ANKRD27: variants seen among roughly 807,000 people sequenced by gnomAD.
ANKRD27 encodes the protein ankyrin repeat domain 27.
Under a neutral mutation model 129.7 loss-of-function variants are expected in ANKRD27, and 112 were observed. The ratio of observed to expected loss-of-function variants is 0.86; its 90% CI spans 0.74 to 1.01. ANKRD27 has a LOEUF of 1.01. Ranked by LOEUF, ANKRD27 falls within the 50% of genes least tolerant of loss-of-function variation. ANKRD27 has a pLI of 0.00. For missense variants in ANKRD27, 1,258 were observed against 1,300.5 expected (o/e 0.97, Z 0.50); for synonymous variants, 516 against 511.2 (o/e 1.01, Z -0.13).
intron 1 of ANKRD27, among the ~76,000 whole-genome samples, chr19:32,668,237 C>A (rs1049158512): frequency 6.6e-6 from 1 of 152,104 alleles, no homozygotes; most frequent in African/African-American, 2.4e-5. Flanking sequence ...ACTGCACCCT[C>A]AAACTCCTGG....
chr19:32,605,253 T>C (rs972000456), intron 24 of ANKRD27, among the ~76,000 whole-genome samples: 3 of 152,044 alleles, frequency 2.0e-5, no homozygotes, highest in Admixed American at 2.0e-4. Context: ...GGTATGTATC[T>C]GTAGTCCCAG....
intron 12 of ANKRD27, chr19:32,636,464 T>C (rs1343100816): frequency 6.9e-6 from 1 of 145,458 alleles, no homozygotes; most frequent in Non-Finnish European, 1.5e-5. Flanking sequence ...GTGCTTCACA[T>C]GCAAGAAATG....
intron 1 of ANKRD27, among the ~76,000 whole-genome samples, chr19:32,660,416 G>A (rs1967622446): frequency 6.6e-6 from 1 of 152,190 alleles, no homozygotes; most frequent in African/African-American, 2.4e-5. Context: ...GGTGGTGCAT[G>A]CCTATAGTCC....
intron 21 of ANKRD27, 107 bp downstream of exon 21, chr19:32,617,482 G>A (rs990678410): frequency 3.5e-6 from 2 of 565,830 alleles, no homozygotes; most frequent in South Asian, 4.9e-5. Flanking sequence ...AGGAGTTCAA[G>A]GCTGCAGTGA....
At chr19:32,599,599 C>T (rs889333223) in intron 28 of ANKRD27, 105 bp downstream of exon 28, 15 of 1,014,714 alleles carry the variant, frequency 1.5e-5, no homozygotes, top group African/African-American at 8.1e-5. Flanking sequence ...ATACGGCGCA[C>T]GGAATAATGA....
In ANKRD27 at chr19:32,610,078, G is replaced by A. The variant is rs577065426; in HGVS notation, c.2176-2246C>T. On this transcript the variant is annotated intron_variant, in intron 22 of 28. Coordinates refer to ENST00000306065, the MANE Select transcript of ANKRD27 (RefSeq NM_032139.3). Reference sequence around the variant, plus strand: ...GTAATGCCAGCACTTTCGGGAGGCCGAGGCAGGTGGATCATGAGGTCAAGA... The same window carrying A: ...GTAATGCCAGCACTTTCGGGAGGCCAAGGCAGGTGGATCATGAGGTCAAGA... Among the ~76,000 whole-genome samples, 12 of 152,188 alleles carry A rather than the reference G, an allele frequency of 7.9e-5. No individual in the cohort carries two copies. In the East Asian group the frequency reaches 1.5e-3, roughly 20 times the overall value.
chr19:32,644,236 A>T, intron 5 of ANKRD27, 89 bp downstream of exon 5: 1 of 1,408,694 alleles, frequency 7.1e-7, no homozygotes, highest in Non-Finnish European at 9.8e-7. Flanking sequence ...AGGCAGCACC[A>T]GGCAGTTCCA....
intron 13 of ANKRD27, among the ~76,000 whole-genome samples, chr19:32,630,718 A>C (rs969748998): frequency 1.4e-4 from 21 of 151,912 alleles, no homozygotes; most frequent in Non-Finnish European, 2.2e-4. Flanking sequence ...GCAGCCTCCA[A>C]CTCCTGGCCT....
chr19:32,630,551 T>C (rs1478227146), intron 13 of ANKRD27, among the ~76,000 whole-genome samples: 5 of 152,302 alleles, frequency 3.3e-5, no homozygotes, highest in Admixed American at 6.5e-5. Flanking sequence ...GAGGAATTAG[T>C]AGTATTGCGA....
chr19:32,609,496 C>A (rs1173970991), intron 22 of ANKRD27, among the ~76,000 whole-genome samples: 1 of 152,160 alleles, frequency 6.6e-6, no homozygotes, highest in East Asian at 1.9e-4. Context: ...CAGCAATGAA[C>A]TCCTGATCCA....
At position 32,626,724 on chromosome 19, in the gene ANKRD27, G is replaced by C. The variant is rs1488719097; in HGVS notation, c.1524C>G (p.Tyr508Ter). The part of the protein sequence containing the change: ...TPLHLACQKG[Y>*]QSVTLLLLHY... ...CACCACTGCTCACCGTCACGCTCTG[G>C]TAGCCCTTCTGACAGGCCAGGTGGA... is the stretch of plus-strand genomic sequence containing the variant. The change falls in exon 16 of 29, where the codon TAC (tyrosine) becomes TAG (stop). Residue 508 changes from tyrosine (Y) to a stop codon, truncating the protein, a stop_gained. Transcript: ENST00000306065. LOFTEE classifies it high-confidence loss of function. 1 of 1,609,170 alleles carries C rather than the reference G, an allele frequency of 6.2e-7. No homozygotes were observed. Among genetic ancestry groups the C allele is most frequent in the East Asian group, 2.2e-5 (1 of 44,630 alleles).
At chr19:32,610,607 T>C (rs8108683) in intron 22 of ANKRD27, among the ~76,000 whole-genome samples, 88,184 of 150,156 alleles carry the variant, frequency 0.59, 26,811 homozygotes, top group Non-Finnish European at 0.69. Context: ...GCATGGCCAA[T>C]ATGGCAAAAC....
chr19:32,674,446 C>T (rs1257891973), intron 1 of ANKRD27, among the ~76,000 whole-genome samples: 1 of 152,116 alleles, frequency 6.6e-6, no homozygotes, highest in Non-Finnish European at 1.5e-5. Flanking sequence ...AAGGGGGCAC[C>T]GCGTGGCTCG....
intron 18 of ANKRD27, among the ~76,000 whole-genome samples, chr19:32,620,269 A>G (rs936344905): frequency 3.3e-5 from 5 of 151,922 alleles, no homozygotes; most frequent in Non-Finnish European, 5.9e-5. Context: ...AAAAAAAAAA[A>G]AGAGGGAAGC....
chr19:32,609,243 T>C (rs558318678), intron 22 of ANKRD27, among the ~76,000 whole-genome samples: 1 of 152,174 alleles, frequency 6.6e-6, no homozygotes, highest in East Asian at 1.9e-4. Flanking sequence ...AGGTTAAACA[T>C]ATCCTTACTA....
chr19:32,614,119 G>A (rs1253629310), intron 22 of ANKRD27, among the ~76,000 whole-genome samples: 1 of 152,106 alleles, frequency 6.6e-6, no homozygotes, highest in Non-Finnish European at 1.5e-5. Context: ...TAAGAGGGCA[G>A]TTTGAATGAT....
At chr19:32,609,211 G>C (rs1403525152) in intron 22 of ANKRD27, among the ~76,000 whole-genome samples, 1 of 151,920 alleles carries the variant, frequency 6.6e-6, no homozygotes, top group Non-Finnish European at 1.5e-5. Context: ...CAACCACTTT[G>C]GAAAACTGGC....
intron 12 of ANKRD27, among the ~76,000 whole-genome samples, chr19:32,634,890 G>A (rs1270741948): frequency 6.6e-6 from 1 of 152,152 alleles, no homozygotes; most frequent in African/African-American, 2.4e-5. Flanking sequence ...ACTCCCGTCT[G>A]GGTGACAGAG....
intron 4 of ANKRD27, among the ~76,000 whole-genome samples, chr19:32,645,139 C>A (rs1038033817): frequency 6.6e-6 from 1 of 152,112 alleles, no homozygotes; most frequent in Admixed American, 6.6e-5. Flanking sequence ...ATTGGCCGGG[C>A]GCAGCGGCTC....
Sources: gnomAD v4.1 joint callset for allele counts (sites outside exome capture counted in the v4.1 genomes callset) on GRCh38, gnomAD v4.1.1 for gene constraint, MANE v1.5 for transcripts, NCBI Gene and HGNC (gene_info 2026-07-23, HGNC 2026-07-21) for gene names.